Variants in TOGARAM1 observed in about 807,000 individuals in gnomAD.
TOGARAM1 encodes the protein TOG array regulator of axonemal microtubules 1.
Under a neutral mutation model 166.6 loss-of-function variants are expected in TOGARAM1, and 100 were observed. That is an observed-to-expected ratio of 0.60 (90% CI 0.51 to 0.71). The LOEUF (loss-of-function observed/expected upper bound fraction) is 0.71, where lower values mean the gene tolerates loss of function less well. Among genes scored for constraint, TOGARAM1 ranks in the 30% least tolerant of loss-of-function variants. The probability of loss-of-function intolerance (pLI) is 0.00; values close to 1 mark genes in which losing one functional copy is unlikely to be tolerated. For synonymous variants in TOGARAM1, 758 were observed against 763.8 expected (o/e 0.99, Z 0.13); for missense variants, 2,029 against 2,102.7 (o/e 0.96, Z 0.69).
chr14:45,035,371 A>G (rs1236306143), intron 11 of TOGARAM1, among the ~76,000 whole-genome samples: 2 of 152,148 alleles, frequency 1.3e-5, no homozygotes, highest in African/African-American at 2.4e-5. Context: ...GTAAAAAAAA[A>G]AAATCAAAAT....
chr14:45,001,372 G>A (rs1036905087), intron 3 of TOGARAM1, among the ~76,000 whole-genome samples: 34 of 152,148 alleles, frequency 2.2e-4, no homozygotes, highest in African/African-American at 7.7e-4. Flanking sequence ...GACCTCAAAA[G>A]CACAGGTGAC....
At chr14:45,016,950 A>G (rs878863032) in intron 7 of TOGARAM1, among the ~76,000 whole-genome samples, 1 of 152,190 alleles carries the variant, frequency 6.6e-6, no homozygotes, top group Non-Finnish European at 1.5e-5. Context: ...GATATTTTAT[A>G]GGGTTTACAA....
intron 14 of TOGARAM1, among the ~76,000 whole-genome samples, chr14:45,050,771 T>C (rs1193018231): frequency 6.6e-6 from 1 of 152,086 alleles, no homozygotes; most frequent in East Asian, 1.9e-4. Context: ...TGTGCCACCA[T>C]GCCTGGCTGA....
At chr14:45,008,214 C>T (rs997920231) in intron 5 of TOGARAM1, 3 of 149,956 alleles carry the variant, frequency 2.0e-5, no homozygotes, top group Non-Finnish European at 3.0e-5. Flanking sequence ...TATATTTTGC[C>T]ATAACAATTT....
chr14:45,072,439 A>G (rs1464484487), intron 19 of TOGARAM1, among the ~76,000 whole-genome samples: 4 of 150,050 alleles, frequency 2.7e-5, no homozygotes, highest in Non-Finnish European at 4.4e-5. Flanking sequence ...TTTTTTTTTA[A>G]TGTTTGAGAC....
intron 1 of TOGARAM1, among the ~76,000 whole-genome samples, chr14:44,979,498 T>C (rs1487933082): frequency 1.3e-5 from 2 of 152,210 alleles, no homozygotes; most frequent in Admixed American, 1.3e-4. Flanking sequence ...TACCTCTTAC[T>C]ACCATCACGT....
rs759371161 is a variant in TOGARAM1, at chr14:45,004,329, C to G, written c.2607C>G (p.Val869=). 6.2e-7 allele frequency: 1 copy of G among 1,613,864 alleles called. No individual in the cohort carries two copies. Among genetic ancestry groups the G allele is most frequent in the South Asian group, 1.1e-5 (1 of 91,056 alleles). Reference sequence around the variant, plus strand: ...AGCCAAGTCCACAGAAGAAGCTTGTCAGCCAAAAATCGTCTGATCCTACGG... The same window carrying G: ...AGCCAAGTCCACAGAAGAAGCTTGTGAGCCAAAAATCGTCTGATCCTACGG... ...LSKPSPQKKL[V]SQKSSDPTGR... The change falls in exon 4 of 20, where the codon GTC becomes GTG. Residue 869 remains valine (V), a synonymous_variant. Transcript: ENST00000361462.
chr14:45,051,440 C>T (rs1882360376), intron 14 of TOGARAM1, among the ~76,000 whole-genome samples: 1 of 151,956 alleles, frequency 6.6e-6, no homozygotes, highest in Non-Finnish European at 1.5e-5. Flanking sequence ...TGATATGGAC[C>T]TTGGGGTGCC....
At chr14:45,039,063 G>C (rs1321314367) in intron 11 of TOGARAM1, among the ~76,000 whole-genome samples, 2 of 152,050 alleles carry the variant, frequency 1.3e-5, no homozygotes, top group African/African-American at 2.4e-5. Flanking sequence ...ACCCGGAGTG[G>C]GTAGCTCCTA....
intron 1 of TOGARAM1, among the ~76,000 whole-genome samples, chr14:44,969,906 A>G (rs946587517): frequency 6.6e-6 from 1 of 152,068 alleles, no homozygotes; most frequent in African/African-American, 2.4e-5. Context: ...TAGTGTGCCT[A>G]TTTTTGCCCA....
chr14:44,992,175 A>G, intron 1 of TOGARAM1, among the ~76,000 whole-genome samples: 1 of 151,210 alleles, frequency 6.6e-6, no homozygotes. Flanking sequence ...TACTTTTATT[A>G]TAATGTAAAG....
chr14:44,992,611 CTTTTTTT>C (rs376434047), intron 1 of TOGARAM1, among the ~76,000 whole-genome samples: 1 of 91,322 alleles, frequency 1.1e-5, no homozygotes, highest in Non-Finnish European at 2.0e-5. Context: ...TTTTTGTAAT[CTTTTTTT>C]TTTTTTTTTT....
rs1566682438 is a variant in TOGARAM1 at position 45,073,690 on chromosome 14, C to T, written c.*129C>T. ...TTAAGTCAATGGCTATTTTTATTTG[C>T]AGCCTATGAGTACACATCTGTCCTA... On this transcript the variant is annotated 3_prime_UTR_variant, in exon 20 of 20. Transcript: ENST00000361462. 7 of 838,156 alleles carry T rather than the reference C, an allele frequency of 8.4e-6. No homozygotes were observed. The highest frequency in any genetic ancestry group is 1.3e-5 in the Non-Finnish European group (7 of 550,268). 51.9% of individuals were successfully genotyped at this position (838,156 alleles called of 1,614,324 possible).
intron 2 of TOGARAM1, chr14:44,996,126 C>T (rs1014598967): frequency 4.7e-5 from 14 of 295,500 alleles, no homozygotes; most frequent in Non-Finnish European, 8.7e-5. Context: ...GCAATATTTG[C>T]TTAATACATC....
intron 16 of TOGARAM1, among the ~76,000 whole-genome samples, chr14:45,056,137 A>G (rs1882626238): frequency 2.0e-5 from 3 of 151,750 alleles, no homozygotes; most frequent in Non-Finnish European, 2.9e-5. Context: ...TTTTTTAGTT[A>G]TTATAAGTGG....
Position 45,044,858 on chromosome 14 carries a change from A to C in TOGARAM1, c.4142A>C (p.Asn1381Thr). The stretch of plus-strand genomic sequence containing the variant: ...GCACGTGCAGTTGTTTCTCTTATCA[A>C]TGGTGGACAAAGGTAATGTTCAAAA... ...TPARAVVSLI[N>T]GGQSHLHIAV... is the part of the protein sequence containing the mutation. The change falls in exon 13 of 20, where the codon AAT becomes ACT. Residue 1381 changes from asparagine to threonine, a missense_variant. Asn to Thr is a moderately conservative substitution (Grantham distance 65). This residue lies in a region of TOGARAM1 where 576 missense variants were observed against 670.5 expected (regional missense o/e 0.86). Transcript: ENST00000361462. 1 of 1,610,410 alleles carries C rather than the reference A, an allele frequency of 6.2e-7. No individual in the cohort carries two copies. Among genetic ancestry groups the C allele is most frequent in the Non-Finnish European group, 8.5e-7 (1 of 1,177,852 alleles).
chr14:45,000,080 C>A (rs1887625488), intron 3 of TOGARAM1, among the ~76,000 whole-genome samples: 1 of 152,026 alleles, frequency 6.6e-6, no homozygotes, highest in South Asian at 2.1e-4. Context: ...GCGACCTCCG[C>A]CCCTGCCCCC....
chr14:45,043,093 A>G (rs890206318), intron 11 of TOGARAM1, among the ~76,000 whole-genome samples: 1 of 152,104 alleles, frequency 6.6e-6, no homozygotes, highest in Non-Finnish European at 1.5e-5. Context: ...TCGTGTAGCT[A>G]CTTGTATCTA....
At chr14:45,036,124 T>A (rs1409687760) in intron 11 of TOGARAM1, among the ~76,000 whole-genome samples, 1 of 128,536 alleles carries the variant, frequency 7.8e-6, no homozygotes, top group Non-Finnish European at 1.6e-5. Context: ...AACAAGACCT[T>A]GTCTCTAAAA....
Sources: gnomAD v4.1 joint callset for allele counts (sites outside exome capture counted in the v4.1 genomes callset) on GRCh38, gnomAD v4.1.1 for gene constraint, gnomAD v4.1.1 regional missense constraint, MANE v1.5 for transcripts, NCBI Gene and HGNC (gene_info 2026-07-23, HGNC 2026-07-21) for gene names.